Variants in SLC25A2 observed in about 807,000 individuals in gnomAD.
SLC25A2 encodes the protein solute carrier family 25 member 2.
In SLC25A2, 6 loss-of-function variants were observed where a neutral mutation model predicts 7.4. The observed-to-expected ratio is 0.82, with a 90% CI of 0.45 to 1.61. SLC25A2 has a LOEUF of 1.61. Ranked by LOEUF, SLC25A2 falls within the 40% of genes most tolerant of loss-of-function variation. The pLI is 0.01. For synonymous variants in SLC25A2, 158 were observed against 153.4 expected (o/e 1.03, Z -0.22); for missense variants, 356 against 377.3 (o/e 0.94, Z 0.47).
At position 141,303,900 on chromosome 5, in the gene SLC25A2, C is replaced by T. The variant is rs1340618524; in HGVS notation, c.-35G>A. 3.8e-5 allele frequency: 60 copies of T among 1,593,008 alleles called. No individual in the cohort carries two copies. Among genetic ancestry groups the T allele is most frequent in the Non-Finnish European group, 5.0e-5 (59 of 1,169,500 alleles). ...CTCGTCTGAGGGTCCCAGTGGAAGG[C>T]GACTAACTCCCCAGAGCGTGAGACC... On this transcript the variant is annotated 5_prime_UTR_variant, in exon 1 of 1. Coordinates refer to ENST00000239451, the MANE Select transcript of SLC25A2 (RefSeq NM_031947.4).
rs981583075 is a variant in SLC25A2, at chr5:141,303,320, C to A, written c.546G>T (p.Pro182=). 1 of 1,614,180 alleles carries A rather than the reference C, an allele frequency of 6.2e-7. No individual in the cohort carries two copies. The highest frequency in any genetic ancestry group is 2.2e-5 in the East Asian group (1 of 44,884). The part of the protein sequence containing the change: ...GLSSTLLQEV[P]GYFFFFGGYE... ...AGCCACCAAAGAAAAAGAAATAACCCGGTACTTCTTGAAGTAGAGTACTCG... is the reference window on the plus strand; with the variant it reads ...AGCCACCAAAGAAAAAGAAATAACCAGGTACTTCTTGAAGTAGAGTACTCG... The change falls in exon 1 of 1, where the codon CCG becomes CCT. Residue 182 remains proline, a synonymous_variant. Coordinates refer to ENST00000239451, the MANE Select transcript of SLC25A2 (RefSeq NM_031947.4).
rs373191636 is a variant in SLC25A2, at chr5:141,303,371, G to C, written c.495C>G (p.Gly165=). Residue 165 remains glycine (G), a synonymous_variant, in exon 1 of 1, where the codon GGC becomes GGG. Transcript: ENST00000239451. ...AGAGTCCATGGTAGAAGCCCAAGGG[G>C]CCATCCTTTTTAAGGATACCCTTCA... The part of the protein sequence containing the change: ...SVVKGILKKD[G]PLGFYHGLSS... 37 of 1,614,090 alleles carry C rather than the reference G, an allele frequency of 2.3e-5. No homozygotes were observed. The highest frequency in any genetic ancestry group is 3.0e-5 in the Non-Finnish European group (35 of 1,180,026).
rs1755944664 is a variant in SLC25A2, at chr5:141,303,649, C to CCATA, written c.213_216dup (p.Ala73TyrfsTer35). On this transcript the variant is annotated frameshift_variant, in exon 1 of 1. Coordinates refer to ENST00000239451, the MANE Select transcript of SLC25A2 (RefSeq NM_031947.4). LOFTEE classifies it high-confidence loss of function. ...AGGACCGAGTTTTCGGCGACGTAGGCCATAAGTGCCGGGCCGGTGCCCTTG... is the reference window on the plus strand; with the variant it reads ...AGGACCGAGTTTTCGGCGACGTAGGCCATACATAAGTGCCGGGCCGGTGCCCTTG... The CCATA allele has an allele frequency of 1.2e-6, 2 of 1,614,116 alleles. No homozygotes were observed. Among genetic ancestry groups the CCATA allele is most frequent in the Admixed American group, 1.7e-5 (1 of 60,004 alleles).
rs201849925 is a variant in SLC25A2 at position 141,302,936 on chromosome 5, C to T, written c.*24G>A. ...ACTGTAGTCCTCAAACTCATGGACT[C>T]GGATCCAGGTTCACCAAGACACTTC... On this transcript the variant is annotated 3_prime_UTR_variant, in exon 1 of 1. Transcript: ENST00000239451. 1.0e-4 allele frequency: 163 copies of T among 1,596,144 alleles called. 1 individual carries two copies. Among genetic ancestry groups the T allele is most frequent in the Non-Finnish European group, 1.2e-4 (143 of 1,171,606 alleles).
Position 141,302,901 on chromosome 5 carries a change from C to A in SLC25A2, c.*59G>T, listed in dbSNP as rs1755927280. On this transcript the variant is annotated 3_prime_UTR_variant, in exon 1 of 1. Transcript: ENST00000239451. ...ACAGTGGTCTTGTACTCTGCTGAAC[C>A]CTGTGATGAACTGTAGTCCTCAAAC... The A allele has an allele frequency of 1.4e-5, 21 of 1,542,932 alleles. No homozygotes were observed. The highest frequency in any genetic ancestry group is 1.6e-5 in the Non-Finnish European group (18 of 1,142,978).
At position 141,303,961 on chromosome 5, in the gene SLC25A2, T is replaced by C. The variant is rs566558017; in HGVS notation, c.-96A>G. ...GTCCAGCCGCAGCGAGCGCGGGGAATGGAGTTGGGGGTGGTGGGGTGGCTC... is the reference window on the plus strand; with the variant it reads ...GTCCAGCCGCAGCGAGCGCGGGGAACGGAGTTGGGGGTGGTGGGGTGGCTC... On this transcript the variant is annotated 5_prime_UTR_variant, in exon 1 of 1. Transcript: ENST00000239451. 3.5e-6 allele frequency: 5 copies of C among 1,410,396 alleles called. No individual in the cohort carries two copies. Among genetic ancestry groups the C allele is most frequent in the Non-Finnish European group, 4.8e-6 (5 of 1,045,044 alleles). The allele number at this position is 1,410,396 out of a possible 1,614,324, so 87.4% of individuals were successfully genotyped here.
Position 141,303,041 on chromosome 5 carries a change from T to A in SLC25A2, c.825A>T (p.Arg275=). The A allele has an allele frequency of 6.2e-7, 1 of 1,614,252 alleles. No homozygotes were observed. The highest frequency in any genetic ancestry group is 8.5e-7 in the Non-Finnish European group (1 of 1,180,034). ...LYSGLKATMI[R]AIPANGALFV... ...ACAGTGCCCCATTGGCAGGGATTGC[T>A]CGAATCATAGTAGCTTTCAGTCCAG... Residue 275 remains arginine, a synonymous_variant, in exon 1 of 1, where the codon CGA becomes CGT. Coordinates refer to ENST00000239451, the MANE Select transcript of SLC25A2 (RefSeq NM_031947.4).
In SLC25A2 at chr5:141,303,758, C is replaced by T; in HGVS notation, c.108G>A (p.Lys36=). The change falls in exon 1 of 1, where the codon AAG becomes AAA. Residue 36 remains lysine (K), a synonymous_variant. Coordinates refer to ENST00000239451, the MANE Select transcript of SLC25A2 (RefSeq NM_031947.4). ...TGQPFDTIKV[K]MQTFPDLYKG... is the part of the protein sequence containing the mutation. Reference sequence around the variant, plus strand: ...TGTACAGGTCAGGGAACGTCTGCATCTTCACTTTTATTGTGTCGAAGGGCT... The same window carrying T: ...TGTACAGGTCAGGGAACGTCTGCATTTTCACTTTTATTGTGTCGAAGGGCT... 6.2e-7 allele frequency: 1 copy of T among 1,614,228 alleles called. No homozygotes were observed. Among genetic ancestry groups the T allele is most frequent in the Non-Finnish European group, 8.5e-7 (1 of 1,180,040 alleles).
Position 141,303,987 on chromosome 5 carries a change from T to C in SLC25A2, c.-122A>G. On this transcript the variant is annotated 5_prime_UTR_variant, in exon 1 of 1. Transcript: ENST00000239451. ...GGAGTTGGGGGTGGTGGGGTGGCTC[T>C]ACCGCCTGTTCTGGGCTCTCACCCC... is the stretch of plus-strand genomic sequence containing the variant. 2 of 1,155,822 alleles carry C rather than the reference T, an allele frequency of 1.7e-6. No homozygotes were observed. Among genetic ancestry groups the C allele is most frequent in the Non-Finnish European group, 2.4e-6 (2 of 824,076 alleles). The allele number at this position is 1,155,822 out of a possible 1,614,324, so 71.6% of individuals were successfully genotyped here. A position where few individuals can be genotyped will look rare whatever the true frequency, so the allele number is the denominator to read the frequency against.
At position 141,303,629 on chromosome 5, in the gene SLC25A2, C is replaced by T. The variant is rs782533043; in HGVS notation, c.237G>A (p.Ser79=). ...PALMAYVAEN[S]VLFMCYGFCQ... is the part of the protein sequence containing the mutation. ...AGAACCCGTAGCACATGAAGAGGAC[C>T]GAGTTTTCGGCGACGTAGGCCATAA... Residue 79 remains serine, a synonymous_variant, in exon 1 of 1, where the codon TCG becomes TCA. Transcript: ENST00000239451. 1.2e-6 allele frequency: 2 copies of T among 1,614,176 alleles called. No individual in the cohort carries two copies. Among genetic ancestry groups the T allele is most frequent in the South Asian group, 1.1e-5 (1 of 91,080 alleles).
At position 141,303,326 on chromosome 5, in the gene SLC25A2, T is replaced by C. The variant is rs199552235; in HGVS notation, c.540A>G (p.Glu180=). 6 of 1,614,210 alleles carry C rather than the reference T, an allele frequency of 3.7e-6. No homozygotes were observed. In the African/African-American group the frequency reaches 6.7e-5, roughly 18 times the overall value. The change falls in exon 1 of 1, where the codon GAA becomes GAG. Residue 180 remains glutamate, a synonymous_variant. Transcript: ENST00000239451. ...YHGLSSTLLQ[E]VPGYFFFFGG... ...CAAAGAAAAAGAAATAACCCGGTAC[T>C]TCTTGAAGTAGAGTACTCGAGAGTC...
rs552390150 is a variant in SLC25A2 at position 141,303,680 on chromosome 5, GCC to G, written c.184_185del (p.Gly62LeufsTer44). On this transcript the variant is annotated frameshift_variant, in exon 1 of 1. Coordinates refer to ENST00000239451, the MANE Select transcript of SLC25A2 (RefSeq NM_031947.4). LOFTEE classifies it high-confidence loss of function. Reference protein sequence around the residue: ...LKTYAQVGLRGFYKGTGPALM... With the variant: ...LKTYAQVGLRXFYKGTGPALM... ...GTGCCGGGCCGGTGCCCTTGTAGAA[GCC>G]CCGGAGACCCACTTGAGCGTATGTC... The G allele has an allele frequency of 3.9e-4, 623 of 1,614,128 alleles. No individual in the cohort carries two copies. The highest frequency in any genetic ancestry group is 4.9e-4 in the Non-Finnish European group (580 of 1,179,942).
rs1223419589 is a variant in SLC25A2, at chr5:141,303,586, T to G, written c.280A>C (p.Lys94Gln). 3.7e-6 allele frequency: 6 copies of G among 1,614,084 alleles called. No homozygotes were observed. In the African/African-American group the frequency reaches 6.7e-5, roughly 18 times the overall value. ...CYGFCQQFVR[K>Q]VAGMDKQAKL... is the part of the protein sequence containing the mutation. Reference sequence around the variant, plus strand: ...GCCTGCTTGTCCATTCCAGCCACTTTCCTGACAAACTGCTGGCAGAACCCG... The same window carrying G: ...GCCTGCTTGTCCATTCCAGCCACTTGCCTGACAAACTGCTGGCAGAACCCG... Residue 94 changes from lysine (K) to glutamine (Q), a missense_variant, in exon 1 of 1, where the codon AAA becomes CAA. Transcript: ENST00000239451.
chr5:141,303,172 A>C lies in SLC25A2; in HGVS notation c.694T>G (p.Cys232Gly). Residue 232 changes from cysteine (C) to glycine (G), a missense_variant, in exon 1 of 1, where the codon TGT becomes GGT. Coordinates refer to ENST00000239451, the MANE Select transcript of SLC25A2 (RefSeq NM_031947.4). ...AGAACTTGAATTCTGGATTTAATAC[A>C]ATCCACTGGGAACACGACAAGCCAC... is the stretch of plus-strand genomic sequence containing the variant. ...CLWLVVFPVD[C>G]IKSRIQVLSM... 1 of 1,614,224 alleles carries C rather than the reference A, an allele frequency of 6.2e-7. No individual in the cohort carries two copies. The highest frequency in any genetic ancestry group is 8.5e-7 in the Non-Finnish European group (1 of 1,180,038).
chr5:141,303,120 A>C lies in SLC25A2; in HGVS notation c.746T>G (p.Phe249Cys). The C allele has an allele frequency of 6.2e-7, 1 of 1,614,220 alleles. No individual in the cohort carries two copies. The highest frequency in any genetic ancestry group is 2.2e-5 in the East Asian group (1 of 44,888). ...VLSMYGKQAG[F>C]IGTLLSVVRN... is the part of the protein sequence containing the mutation. ...CACAACACTTAAGAGGGTACCAATA[A>C]ATCCTGCCTGTTTCCCATACATGGA... Residue 249 changes from phenylalanine (F) to cysteine (C), a missense_variant, in exon 1 of 1, where the codon TTT becomes TGT. By Grantham distance (205) the Phe-to-Cys change is radical (BLOSUM62 -2). Transcript: ENST00000239451.
chr5:141,302,889 A>T lies in SLC25A2; in HGVS notation c.*71T>A. ...AGTCAAAATTAGACAGTGGTCTTGT[A>T]CTCTGCTGAACCCTGTGATGAACTG... On this transcript the variant is annotated 3_prime_UTR_variant, in exon 1 of 1. Transcript: ENST00000239451. 2 of 1,492,496 alleles carry T rather than the reference A, an allele frequency of 1.3e-6. No homozygotes were observed. Among genetic ancestry groups the T allele is most frequent in the South Asian group, 2.7e-5 (2 of 74,468 alleles). 92.5% of individuals were successfully genotyped at this position (1,492,496 alleles called of 1,614,324 possible). A position where few individuals can be genotyped will look rare whatever the true frequency, so the allele number is the denominator to read the frequency against.
rs140838403 is a variant in SLC25A2 at position 141,302,645 on chromosome 5, T to C, written c.*315A>G. 3.2e-3 allele frequency: 791 copies of C among 247,010 alleles called. 5 individuals carry two copies. The highest frequency in any genetic ancestry group is 0.016 in the African/African-American group (719 of 44,066). 15.3% of individuals were successfully genotyped at this position (247,010 alleles called of 1,614,324 possible). A position where few individuals can be genotyped will look rare whatever the true frequency, so the allele number is the denominator to read the frequency against. Reference sequence around the variant, plus strand: ...CATCCAAACTGCATGTACACACAAATGGCTTTATGCAAAGGCCCTGACAGA... The same window carrying C: ...CATCCAAACTGCATGTACACACAAACGGCTTTATGCAAAGGCCCTGACAGA... On this transcript the variant is annotated 3_prime_UTR_variant, in exon 1 of 1. Coordinates refer to ENST00000239451, the MANE Select transcript of SLC25A2 (RefSeq NM_031947.4).
rs986459827 is a variant in SLC25A2, at chr5:141,303,943, C to T, written c.-78G>A. On this transcript the variant is annotated 5_prime_UTR_variant, in exon 1 of 1. Transcript: ENST00000239451. ...GTGAGACCGGCTTTTCACGTCCAGC[C>T]GCAGCGAGCGCGGGGAATGGAGTTG... The T allele has an allele frequency of 1.9e-5, 28 of 1,483,668 alleles. 2 individuals carry two copies. The Admixed American group carries it at 1.9e-4, about 10-fold the overall frequency. 91.9% of individuals were successfully genotyped at this position (1,483,668 alleles called of 1,614,324 possible).
In SLC25A2 at chr5:141,303,822, G is replaced by A. The variant is rs1554296137; in HGVS notation, c.44C>T (p.Ala15Val). Reference protein sequence around the residue: ...PGIQAAIDLTAGAAGGTACVL... With the variant: ...PGIQAAIDLTVGAAGGTACVL... The stretch of plus-strand genomic sequence containing the variant: ...ACACGCTGTCCCCCCTGCGGCCCCC[G>A]CTGTGAGGTCGATGGCGGCTTGGAT... Residue 15 changes from alanine to valine, a missense_variant, in exon 1 of 1, where the codon GCG becomes GTG. Coordinates refer to ENST00000239451, the MANE Select transcript of SLC25A2 (RefSeq NM_031947.4). The A allele has an allele frequency of 6.2e-7, 1 of 1,614,158 alleles. No individual in the cohort carries two copies. Among genetic ancestry groups the A allele is most frequent in the Non-Finnish European group, 8.5e-7 (1 of 1,180,028 alleles).
Sources: gnomAD v4.1 joint callset for allele counts on GRCh38, gnomAD v4.1.1 for gene constraint, MANE v1.5 for transcripts, NCBI Gene and HGNC (gene_info 2026-07-23, HGNC 2026-07-21) for gene names.